Variants in NYAP2 observed in about 807,000 individuals in gnomAD.
NYAP2 encodes the protein neuronal tyrosine-phosphorylated phosphoinositide-3-kinase adapter 2.
A neutral mutation model predicts 50.4 loss-of-function variants in NYAP2; 23 were observed. The observed-to-expected ratio is 0.46, with a 90% CI of 0.33 to 0.65. NYAP2 has a LOEUF of 0.65. NYAP2 is among the 30% of genes least tolerant of loss of function. The pLI is 0.02. For missense variants in NYAP2, 885 were observed against 861.0 expected (o/e 1.03, Z -0.35); for synonymous variants, 394 against 365.2 (o/e 1.08, Z -0.90).
chr2:225,620,431 GCACACACGCA>G (rs1282495963), intron 5 of NYAP2, among the ~76,000 whole-genome samples: 6 of 29,208 alleles, frequency 2.1e-4, no homozygotes, highest in Non-Finnish European at 2.7e-4. Context: ...GCACACGCAC[GCACACACGCA>G]CGCACACGCA....
intron 4 of NYAP2, among the ~76,000 whole-genome samples, chr2:225,523,093 A>G (rs1691095280): frequency 6.6e-6 from 1 of 152,080 alleles, no homozygotes; most frequent in African/African-American, 2.4e-5. Flanking sequence ...TAGTTTGAGG[A>G]CTTAAGTCAG....
chr2:225,587,807 A>G (rs1692413918), intron 5 of NYAP2, among the ~76,000 whole-genome samples: 1 of 141,476 alleles, frequency 7.1e-6, no homozygotes, highest in African/African-American at 2.6e-5. Context: ...TTATTAAAAG[A>G]GAAATGATGT....
chr2:225,416,656 G>A (rs953676372), intron 3 of NYAP2, among the ~76,000 whole-genome samples: 2 of 152,052 alleles, frequency 1.3e-5, no homozygotes, highest in African/African-American at 2.4e-5. Context: ...TGCCTGTTAG[G>A]GTAAGCCTCC....
intron 3 of NYAP2, among the ~76,000 whole-genome samples, chr2:225,461,789 A>C (rs1176678542): frequency 1.3e-5 from 2 of 152,206 alleles, no homozygotes; most frequent in Admixed American, 6.5e-5. Flanking sequence ...GTTAGTGAAA[A>C]ATCTGCTAGG....
intron 3 of NYAP2, among the ~76,000 whole-genome samples, chr2:225,445,825 A>G (rs1325587795): frequency 6.6e-6 from 1 of 152,120 alleles, no homozygotes; most frequent in African/African-American, 2.4e-5. Context: ...AAGTGTATAG[A>G]TATATAAATA....
chr2:225,422,023 T>C (rs868223526), intron 3 of NYAP2, among the ~76,000 whole-genome samples: 1 of 152,244 alleles, frequency 6.6e-6, no homozygotes, highest in African/African-American at 2.4e-5. Context: ...AGGATTTTAA[T>C]TCTTTTTCTG....
rs1039068937 is a variant in NYAP2, at chr2:225,583,015, G to A, written c.1598G>A (p.Arg533His). Residue 533 changes from arginine to histidine, a missense_variant, in exon 5 of 7, where the codon CGC becomes CAC. Coordinates refer to ENST00000636099, the Ensembl canonical transcript of NYAP2. ...CTGCGCAAGTCGTCCAGTGGCCGGC[G>A]CTCCAAAGAGCCTGCAGAGAGTAAG... The A allele has an allele frequency of 3.1e-6, 5 of 1,611,260 alleles. No individual in the cohort carries two copies. In the African/African-American group the frequency reaches 5.3e-5, roughly 17 times the overall value.
the NYAP2 span, chr2:225,702,780 T>C: frequency 2.0e-5 from 3 of 151,698 alleles, no homozygotes; most frequent in Admixed American, 6.6e-5. Flanking sequence ...TATATTTCCC[T>C]TTAAATATTA....
At chr2:225,586,089 A>G (rs1288141850) in intron 5 of NYAP2, among the ~76,000 whole-genome samples, 1 of 152,242 alleles carries the variant, frequency 6.6e-6, no homozygotes, top group African/African-American at 2.4e-5. Context: ...TGGAGAAGTC[A>G]ATTTTAAGTA....
intron 6 of NYAP2, among the ~76,000 whole-genome samples, chr2:225,638,138 TTAAACAGACTC>T (rs1693454922): frequency 2.0e-5 from 3 of 148,928 alleles, no homozygotes; most frequent in South Asian, 4.4e-4. Context: ...AGAGAGAATT[TTAAACAGACTC>T]GTGTGTTTGT....
chr2:225,638,866 G>A (rs575314734), intron 6 of NYAP2, among the ~76,000 whole-genome samples: 38 of 152,368 alleles, frequency 2.5e-4, no homozygotes, highest in South Asian at 6.2e-4. Context: ...AGAGGTGGAA[G>A]AACAGGGAGA....
chr2:225,522,890 A>G (rs950337284), intron 4 of NYAP2, among the ~76,000 whole-genome samples: 1 of 152,174 alleles, frequency 6.6e-6, no homozygotes, highest in Non-Finnish European at 1.5e-5. Context: ...ACATTTTAAT[A>G]CTGTGCTTTT....
chr2:225,582,104 C>T lies in NYAP2; in HGVS notation c.687C>T (p.Ser229=), dbSNP rs1692283209. Residue 229 remains serine (S), a synonymous_variant, in exon 5 of 7, where the codon TCC becomes TCT. Coordinates refer to ENST00000636099, the Ensembl canonical transcript of NYAP2. The surrounding 1 kb of genome is among the most constrained non-coding windows in gnomAD (Gnocchi z 7.0). ...CGCTGCCGCGGGACTCCTCCTTGTC[C>T]CAGATGGGCAGCCCCGCGGGAGACC... 1.2e-6 allele frequency: 2 copies of T among 1,613,894 alleles called. No homozygotes were observed. The highest frequency in any genetic ancestry group is 8.5e-7 in the Non-Finnish European group (1 of 1,179,888).
intron 5 of NYAP2, among the ~76,000 whole-genome samples, chr2:225,618,051 CAT>C (rs200545774): frequency 0.018 from 2,787 of 152,318 alleles, 49 homozygotes; most frequent in South Asian, 0.082. Context: ...GAGCACAAGA[CAT>C]GTGCCATGGA....
chr2:225,459,024 C>A (rs1689782567), intron 3 of NYAP2, among the ~76,000 whole-genome samples: 1 of 152,066 alleles, frequency 6.6e-6, no homozygotes, highest in Admixed American at 6.6e-5. Flanking sequence ...TTTCTAGAAA[C>A]AAAAGATGCA....
intron 5 of NYAP2, among the ~76,000 whole-genome samples, chr2:225,600,088 A>G (rs1692669451): frequency 6.6e-6 from 1 of 152,190 alleles, no homozygotes. Context: ...TACTCAGATC[A>G]GTCTCTCCAA....
chr2:225,635,283 TA>T (rs1693392860), intron 6 of NYAP2, among the ~76,000 whole-genome samples: 1 of 152,208 alleles, frequency 6.6e-6, no homozygotes, highest in South Asian at 2.1e-4. Flanking sequence ...AGTGTGTAAG[TA>T]AATCATGCTT....
chr2:225,534,275 A>T (rs1231730421), intron 4 of NYAP2, among the ~76,000 whole-genome samples: 2 of 152,216 alleles, frequency 1.3e-5, no homozygotes, highest in Non-Finnish European at 2.9e-5. Flanking sequence ...AGGATGTGGG[A>T]ATACTAACCG....
At chr2:225,621,487 G>A (rs1237252792) in intron 5 of NYAP2, among the ~76,000 whole-genome samples, 1 of 152,062 alleles carries the variant, frequency 6.6e-6, no homozygotes, top group Non-Finnish European at 1.5e-5. Context: ...GAGGAAATGA[G>A]GAGCTGTTAT....
Sources: allele counts gnomAD v4.1 joint callset (sites outside exome capture counted in the v4.1 genomes callset), GRCh38; gene constraint gnomAD v4.1.1; non-coding constraint Gnocchi (gnomAD v3.1); transcripts MANE v1.5; gene names NCBI Gene and HGNC (gene_info 2026-07-23, HGNC 2026-07-21).